The following EVC2 variants were observed in gnomAD, a reference collection of about 807,000 sequenced individuals.
EVC2 encodes EvC ciliary complex subunit 2.
In EVC2, 148 loss-of-function variants were observed where a neutral mutation model predicts 149.3. That is an observed-to-expected ratio of 0.99 (90% CI 0.87 to 1.14). EVC2 has a LOEUF of 1.14. EVC2 is among the 50% of genes most tolerant of loss of function. EVC2 has a pLI of 0.00. For synonymous variants in EVC2, 776 were observed against 649.9 expected, an observed-to-expected ratio of 1.19 and a Z score of -2.95; for missense variants, 1,854 against 1,627.3, an observed-to-expected ratio of 1.14 and a Z score of -2.40.
chr4:5,609,641 G>GT (rs1714671130), intron 16 of EVC2, among the ~76,000 whole-genome samples: 1 of 152,310 alleles, frequency 6.6e-6, no homozygotes, highest in South Asian at 2.1e-4. Flanking sequence ...CAAAAGCCCT[G>GT]TAACTAGTGG....
In EVC2 at chr4:5,618,604, A is replaced by G; in HGVS notation, c.2580T>C (p.Ala860=). The change falls in exon 15 of 22, where the codon GCT becomes GCC. Residue 860 remains alanine (A), a synonymous_variant. Transcript: ENST00000344408. This position sits in a 1 kb window ranked among gnomAD's most constrained non-coding sequence, Gnocchi z 4.4. ...RMRQEVHGCF[A]QMDRSLALPK... is the part of the protein sequence containing the mutation. Reference sequence around the variant, plus strand: ...GGAGGGCCAAGCTCCTGTCCATCTGAGCAAAGCAGCCATGGACCTCCTGCC... The same window carrying G: ...GGAGGGCCAAGCTCCTGTCCATCTGGGCAAAGCAGCCATGGACCTCCTGCC... 6.2e-7 allele frequency: 1 copy of G among 1,613,810 alleles called. No individual in the cohort carries two copies. Among genetic ancestry groups the G allele is most frequent in the Non-Finnish European group, 8.5e-7 (1 of 1,179,926 alleles).
At chr4:5,662,217 C>T (rs1035066469) in intron 9 of EVC2, among the ~76,000 whole-genome samples, 12 of 151,972 alleles carry the variant, frequency 7.9e-5, no homozygotes, top group African/African-American at 1.2e-4. Context: ...ATCGTTTCCA[C>T]GCTTAATCAA....
the EVC2 span, among the ~76,000 whole-genome samples, chr4:5,535,601 A>AGAGAGAGAGAGAGAGAG: frequency 1.7e-5 from 2 of 118,210 alleles, no homozygotes; most frequent in South Asian, 3.4e-4. This position sits in a 1 kb window ranked among gnomAD's most constrained non-coding sequence, Gnocchi z 4.7. Flanking sequence ...CATGCTTAGA[A>AGAGAGAGAGAGAGAGAG]AGAGAGAGAG....
chr4:5,670,569 C>G lies in EVC2; in HGVS notation c.871-4920G>C, dbSNP rs1321485520. On this transcript the variant is annotated intron_variant, in intron 7 of 21. Coordinates refer to ENST00000344408, the MANE Select transcript of EVC2 (RefSeq NM_147127.5). The surrounding 1 kb of genome is among the most constrained non-coding windows in gnomAD (Gnocchi z 5.2). The stretch of plus-strand genomic sequence containing the variant: ...TCACCATCATCTTCACATTGGCCAT[C>G]ACCACCATCACTATCAACATCATCA... Among the ~76,000 whole-genome samples the G allele has an allele frequency of 6.6e-6, 1 of 151,984 alleles. No homozygotes were observed. Among genetic ancestry groups the G allele is most frequent in the Non-Finnish European group, 1.5e-5 (1 of 68,000 alleles).
chr4:5,596,478 A>G (rs11938328), intron 16 of EVC2, among the ~76,000 whole-genome samples: 102,145 of 152,004 alleles, frequency 0.67, 34,807 homozygotes, highest in East Asian at 0.86. Flanking sequence ...TACTGGGTAC[A>G]TAACAAAATG....
At chr4:5,604,066 T>C (rs2108814046) in intron 16 of EVC2, among the ~76,000 whole-genome samples, 1 of 152,326 alleles carries the variant, frequency 6.6e-6, no homozygotes, top group East Asian at 1.9e-4. Flanking sequence ...TGAGACTCAG[T>C]ATTCTCATCT....
chr4:5,640,737 C>A lies in EVC2; in HGVS notation c.1247G>T (p.Ser416Ile). 6.2e-7 allele frequency: 1 copy of A among 1,614,106 alleles called. No homozygotes were observed. The highest frequency in any genetic ancestry group is 8.5e-7 in the Non-Finnish European group (1 of 1,180,018). ...IIALLLKNLT[S>I]SGHLSPQVER... ...TACTTGGGGTGAGAGGTGGCCACTG[C>A]TGGTGAGATTTTTCAGCAGAAGGGC... Residue 416 changes from serine to isoleucine, a missense_variant, in exon 10 of 22, where the codon AGC (serine) becomes ATC (isoleucine). By Grantham distance (142) the Ser-to-Ile change is moderately radical. Transcript: ENST00000344408. The surrounding 1 kb of genome is among the most constrained non-coding windows in gnomAD (Gnocchi z 4.6).
At chr4:5,685,120 C>T (rs1281419258) in intron 6 of EVC2, among the ~76,000 whole-genome samples, 3 of 152,158 alleles carry the variant, frequency 2.0e-5, no homozygotes, top group Non-Finnish European at 4.4e-5. Flanking sequence ...GTATTGATTA[C>T]CTATCCTTAT....
intron 1 of EVC2, among the ~76,000 whole-genome samples, chr4:5,698,042 C>T (rs1028659392): frequency 3.3e-5 from 5 of 152,114 alleles, no homozygotes; most frequent in Admixed American, 2.0e-4. Context: ...TGAGCCACCG[C>T]GTCCGGCCAA....
chr4:5,697,920 G>C (rs1269558434), intron 1 of EVC2, among the ~76,000 whole-genome samples: 1 of 151,358 alleles, frequency 6.6e-6, no homozygotes, highest in East Asian at 1.9e-4. Flanking sequence ...TAATTTTTTT[G>C]TTTTGTATTT....
At chr4:5,673,025 G>A (rs1047490877) in intron 7 of EVC2, among the ~76,000 whole-genome samples, 1 of 152,204 alleles carries the variant, frequency 6.6e-6, no homozygotes, top group Non-Finnish European at 1.5e-5. Flanking sequence ...TGGGTACCAA[G>A]TTTCCTTTCG....
In EVC2 at chr4:5,686,327, G is replaced by A. The variant is rs1162338303; in HGVS notation, c.707-848C>T. 2.0e-5 allele frequency among the ~76,000 whole-genome samples: 3 copies of A among 152,000 alleles called. No homozygotes were observed. The highest frequency in any genetic ancestry group is 4.2e-4 in the South Asian group (2 of 4,810). ...CCTGCCTCAGCCTCCTGAGTAGCTG[G>A]GACTTTAGGTGTGGACCATGCTCAT... is the stretch of plus-strand genomic sequence containing the variant. On this transcript the variant is annotated intron_variant, in intron 5 of 21. Transcript: ENST00000344408. The surrounding 1 kb of genome is among the most constrained non-coding windows in gnomAD (Gnocchi z 5.4).
chr4:5,694,102 C>A (rs1721305461), intron 3 of EVC2, among the ~76,000 whole-genome samples: 1 of 152,218 alleles, frequency 6.6e-6, no homozygotes, highest in Admixed American at 6.5e-5. Flanking sequence ...CCAGATGAGG[C>A]AGCCTAATGC....
chr4:5,681,285 G>GA lies in EVC2; in HGVS notation c.844dup (p.Ser282PhefsTer59), dbSNP rs1168765379. 3 of 1,614,104 alleles carry GA rather than the reference G, an allele frequency of 1.9e-6. No homozygotes were observed. The highest frequency in any genetic ancestry group is 1.6e-4 in the Middle Eastern group (1 of 6,062). On this transcript the variant is annotated frameshift_variant, in exon 7 of 22. Transcript: ENST00000344408. LOFTEE classifies it high-confidence loss of function. The stretch of plus-strand genomic sequence containing the variant: ...CGTTACGTTTTCTTCTGCTGTTATG[G>GA]AAAAAAGCACTTTCAGCTGTGTTCT...
intron 1 of EVC2, among the ~76,000 whole-genome samples, chr4:5,701,534 T>A (rs978744885): frequency 2.6e-5 from 4 of 152,164 alleles, no homozygotes; most frequent in Non-Finnish European, 4.4e-5. Context: ...CTCTGTTGGA[T>A]CTTTTCCTCT....
At chr4:5,620,548 T>G (rs1288267032) in intron 14 of EVC2, among the ~76,000 whole-genome samples, 1 of 152,188 alleles carries the variant, frequency 6.6e-6, no homozygotes, top group South Asian at 2.1e-4. Context: ...TAAAAATGTG[T>G]TTCAAATCTA....
chr4:5,684,416 T>G (rs1163557592), intron 6 of EVC2, among the ~76,000 whole-genome samples: 1 of 152,228 alleles, frequency 6.6e-6, no homozygotes, highest in African/African-American at 2.4e-5. Context: ...TTCTGTTATG[T>G]GACCTGGGGC....
intron 1 of EVC2, 75 bp downstream of exon 1, chr4:5,708,211 C>A: frequency 7.7e-7 from 1 of 1,300,772 alleles, no homozygotes; most frequent in South Asian, 1.7e-5. Context: ...ACTAAGGGTC[C>A]TCCCTGCCAC....
At chr4:5,610,314 G>T (rs6848657) in intron 16 of EVC2, among the ~76,000 whole-genome samples, 15,587 of 152,066 alleles carry the variant, frequency 0.1, 1,610 homozygotes, top group African/African-American at 0.26. Flanking sequence ...GTCTACCAAG[G>T]TGCCTGGCAC....
Sources: allele counts gnomAD v4.1 joint callset (sites outside exome capture counted in the v4.1 genomes callset), GRCh38; gene constraint gnomAD v4.1.1; non-coding constraint Gnocchi (gnomAD v3.1); transcripts MANE v1.5; gene names NCBI Gene and HGNC (gene_info 2026-07-23, HGNC 2026-07-21).